The following MYO18B variants were observed in gnomAD, a reference collection of about 807,000 sequenced individuals.
MYO18B encodes the protein unconventional myosin-XVIIIb.
A neutral mutation model predicts 273.0 loss-of-function variants in MYO18B; 204 were observed. That is an observed-to-expected ratio of 0.75 (90% CI 0.67 to 0.84). The LOEUF (loss-of-function observed/expected upper bound fraction) is 0.84. MYO18B is among the 40% of genes least tolerant of loss of function. MYO18B has a pLI of 0.00. For missense variants in MYO18B, 3,212 were observed against 3,287.6 expected (o/e 0.98, Z 0.56); for synonymous variants, 1,330 against 1,305.7 (o/e 1.02, Z -0.40).
the MYO18B span, among the ~76,000 whole-genome samples, chr22:26,055,163 C>G: frequency 6.6e-6 from 1 of 152,092 alleles, no homozygotes; most frequent in Non-Finnish European, 1.5e-5. Flanking sequence ...GTATAGAGCC[C>G]GGTGTTTTTT....
intron 24 of MYO18B, 38 bp from the exon 25 acceptor site, chr22:25,877,921 G>A (rs771324989): frequency 4.6e-6 from 7 of 1,526,066 alleles, no homozygotes; most frequent in Non-Finnish European, 2.7e-6. Flanking sequence ...TTAATCTCTG[G>A]CCTGGAATGG....
intron 34 of MYO18B, among the ~76,000 whole-genome samples, chr22:25,942,279 G>A (rs573875330): frequency 9.2e-5 from 14 of 152,290 alleles, no homozygotes; most frequent in African/African-American, 2.9e-4. Context: ...TCTGTCCTTC[G>A]GAATGAATGT....
At chr22:25,869,809 G>A (rs540271929) in intron 22 of MYO18B, among the ~76,000 whole-genome samples, 1 of 152,302 alleles carries the variant, frequency 6.6e-6, no homozygotes, top group East Asian at 1.9e-4. Flanking sequence ...ACACACTAGT[G>A]TCTCCCCACT....
Position 25,796,230 on chromosome 22 carries a change from TAA to T in MYO18B, c.2377-1715_2377-1714del, listed in dbSNP as rs11307558. On this transcript the variant is annotated intron_variant, in intron 11 of 43. Transcript: ENST00000335473. ...CAAACATAATTGGAATCATAAATCT[TAA>T]AAAAAAATCCTATAATCCATAAACA... Among the ~76,000 whole-genome samples, 233 of 152,002 alleles carry T rather than the reference TAA, an allele frequency of 1.5e-3. 2 individuals carry two copies. The highest frequency in any genetic ancestry group is 6.9e-4 in the Non-Finnish European group (47 of 68,004).
rs117172172 is a variant in MYO18B, at chr22:25,847,154, C to T, written c.3553-276C>T. 1.3e-4 allele frequency among the ~76,000 whole-genome samples: 20 copies of T among 152,148 alleles called. 1 individual carries two copies. In the East Asian group the frequency reaches 1.5e-3, roughly 12 times the overall value. ...CGTTATAGTGGAAATGCCCTTAGTCCGAGTCCTGAGTTCTAGTCCCAGCTG... is the reference window on the plus strand; with the variant it reads ...CGTTATAGTGGAAATGCCCTTAGTCTGAGTCCTGAGTTCTAGTCCCAGCTG... On this transcript the variant is annotated intron_variant, in intron 19 of 43. Transcript: ENST00000335473.
intron 34 of MYO18B, among the ~76,000 whole-genome samples, chr22:25,942,924 A>G (rs1253991424): frequency 6.6e-6 from 1 of 152,038 alleles, no homozygotes; most frequent in Admixed American, 6.5e-5. Flanking sequence ...AAGGGAAAGG[A>G]AAGAGCATTT....
intron 40 of MYO18B, among the ~76,000 whole-genome samples, chr22:25,996,983 C>T (rs1156883120): frequency 6.6e-6 from 1 of 152,098 alleles, no homozygotes; most frequent in African/African-American, 2.4e-5. Context: ...CCCCAGTGCC[C>T]CAGGCAGGAT....
chr22:25,750,674 C>A lies in MYO18B; in HGVS notation c.-110+8381C>A, dbSNP rs78033969. Among the ~76,000 whole-genome samples the A allele has an allele frequency of 1.7e-3, 261 of 152,282 alleles. 7 individuals carry two copies. In the East Asian group the frequency reaches 0.047, roughly 27 times the overall value. On this transcript the variant is annotated intron_variant, in intron 1 of 43. Transcript: ENST00000335473. ...CAAGACAGAATTCTAAATGAAGATC[C>A]AATTAATAAAGAACCAAATAGTGAC...
chr22:25,758,818 C>G (rs2086210500), intron 1 of MYO18B, among the ~76,000 whole-genome samples: 2 of 151,090 alleles, frequency 1.3e-5, no homozygotes, highest in African/African-American at 2.4e-5. Flanking sequence ...AGTGCAGTGG[C>G]ATGATTTCTG....
At chr22:26,054,069 A>G in the MYO18B span, among the ~76,000 whole-genome samples, 1 of 152,132 alleles carries the variant, frequency 6.6e-6, no homozygotes, top group Non-Finnish European at 1.5e-5. Context: ...AACTAATTGG[A>G]TGTGGAGGCG....
intron 10 of MYO18B, among the ~76,000 whole-genome samples, chr22:25,784,037 A>C (rs1348328291): frequency 6.6e-6 from 1 of 152,130 alleles, no homozygotes; most frequent in African/African-American, 2.4e-5. Context: ...ACTCCTATTC[A>C]TCCTTCAAAA....
intron 39 of MYO18B, among the ~76,000 whole-genome samples, chr22:25,968,112 C>T (rs1402018479): frequency 6.6e-6 from 1 of 152,178 alleles, no homozygotes; most frequent in Non-Finnish European, 1.5e-5. Context: ...GCAAGGCTAT[C>T]AACCTCAACA....
At chr22:25,969,709 G>C (rs1383433641) in intron 39 of MYO18B, among the ~76,000 whole-genome samples, 1 of 152,120 alleles carries the variant, frequency 6.6e-6, no homozygotes, top group Non-Finnish European at 1.5e-5. Context: ...CAAAGAACTG[G>C]GAATAAGGAG....
At chr22:25,794,251 G>A (rs1359006322) in intron 11 of MYO18B, among the ~76,000 whole-genome samples, 1 of 151,288 alleles carries the variant, frequency 6.6e-6, no homozygotes, top group Non-Finnish European at 1.5e-5. Context: ...CTTTCACCCA[G>A]GCTGGAGTGC....
chr22:25,937,278 C>T (rs1223498408), intron 34 of MYO18B, among the ~76,000 whole-genome samples: 1 of 151,772 alleles, frequency 6.6e-6, no homozygotes, highest in East Asian at 2.0e-4. Flanking sequence ...AGAGGTGGGT[C>T]TTACCATGTT....
intron 39 of MYO18B, among the ~76,000 whole-genome samples, chr22:25,958,866 A>G (rs2092884775): frequency 6.6e-6 from 1 of 152,146 alleles, no homozygotes; most frequent in African/African-American, 2.4e-5. Flanking sequence ...TTTGTGCCAT[A>G]TGTTCTCTCT....
At chr22:25,779,202 A>G (rs2087038003) in intron 8 of MYO18B, among the ~76,000 whole-genome samples, 1 of 152,196 alleles carries the variant, frequency 6.6e-6, no homozygotes, top group Admixed American at 6.5e-5. Context: ...CACTGAGAAT[A>G]TATGATGCAG....
chr22:25,819,601 G>A (rs117294615), intron 12 of MYO18B, among the ~76,000 whole-genome samples: 4,823 of 152,280 alleles, frequency 0.032, 140 homozygotes, highest in East Asian at 0.12. Flanking sequence ...TATTGTGCTT[G>A]TGTAATATTT....
chr22:25,984,989 A>G (rs1344638227), intron 39 of MYO18B, among the ~76,000 whole-genome samples: 1 of 152,196 alleles, frequency 6.6e-6, no homozygotes, highest in Non-Finnish European at 1.5e-5. Context: ...GACAGGAGGT[A>G]TTGTTGGGTA....
Sources: gnomAD v4.1 joint callset for allele counts (sites outside exome capture counted in the v4.1 genomes callset) on GRCh38, gnomAD v4.1.1 for gene constraint, MANE v1.5 for transcripts, NCBI Gene and HGNC (gene_info 2026-07-23, HGNC 2026-07-21) for gene names.